Variants in TDRKH observed in about 807,000 individuals in gnomAD.
The protein encoded by TDRKH is tudor and KH domain containing.
TDRKH carries 28 observed loss-of-function variants against 61.3 expected under a neutral mutation model. That is an observed-to-expected ratio of 0.46 (90% CI 0.34 to 0.63). The LOEUF (loss-of-function observed/expected upper bound fraction) is 0.63. TDRKH is among the 20% of genes least tolerant of loss of function. The probability of loss-of-function intolerance (pLI) is 0.01; values close to 1 mark genes in which losing one functional copy is unlikely to be tolerated. For missense variants in TDRKH, 540 were observed against 683.4 expected (o/e 0.79, Z 2.34); for synonymous variants, 219 against 244.4 (o/e 0.90, Z 0.97).
At chr1:151,784,803 T>A (rs1345724425) in intron 1 of TDRKH, among the ~76,000 whole-genome samples, 6 of 152,122 alleles carry the variant, frequency 3.9e-5, no homozygotes, top group African/African-American at 1.4e-4. Flanking sequence ...AATTAATAGA[T>A]CCATTTAGGA....
rs1050182455 is a variant in TDRKH at position 151,774,424 on chromosome 1, G to A, written c.*28C>T. 6.2e-7 allele frequency: 1 copy of A among 1,613,188 alleles called. No homozygotes were observed. Among genetic ancestry groups the A allele is most frequent in the African/African-American group, 1.3e-5 (1 of 75,030 alleles). ...ATAGCTGCACTCACACAGCAAAGCA[G>A]ATGGCTGAGCAAACTGAAGCCCAGA... On this transcript the variant is annotated 3_prime_UTR_variant, in exon 13 of 13. Coordinates refer to ENST00000368824, the MANE Select transcript of TDRKH (RefSeq NM_001083965.2).
At chr1:151,781,739 G>A (rs1318075851) in intron 2 of TDRKH, 152 bp from the exon 3 acceptor site, 4 of 653,674 alleles carry the variant, frequency 6.1e-6, no homozygotes, top group African/African-American at 1.8e-5. Flanking sequence ...AGTGGCATCT[G>A]AATGGGAATT....
chr1:151,778,901 C>T lies in TDRKH; in HGVS notation c.667G>A (p.Glu223Lys). The change falls in exon 6 of 13, where the codon GAA becomes AAA. Residue 223 changes from glutamate (E) to lysine (K), a missense_variant. By Grantham distance (56) the Glu-to-Lys change is moderately conservative. Around this residue, in one of 3 missense-constraint regions of TDRKH, gnomAD observed 379 missense variants for 443.8 expected, o/e 0.85. Coordinates refer to ENST00000368824, the MANE Select transcript of TDRKH (RefSeq NM_001083965.2). ...GCTCCACCTGGCTCTGTCATGTCTT[C>T]TCTTCTCACACTGATTGGCTGTTTG... ...PRKQPISVRR[E>K]DMTEPGGAGE... 6.2e-7 allele frequency: 1 copy of T among 1,614,200 alleles called. No individual in the cohort carries two copies. The highest frequency in any genetic ancestry group is 2.2e-5 in the East Asian group (1 of 44,876).
At chr1:151,777,694 G>C (rs1046894906) in intron 6 of TDRKH, among the ~76,000 whole-genome samples, 4 of 149,344 alleles carry the variant, frequency 2.7e-5, no homozygotes, top group Non-Finnish European at 4.5e-5. Context: ...ATCTAAGCCA[G>C]TATTTCTTTT....
downstream of TDRKH, chr1:151,771,295 C>T (rs1379170082): frequency 1.9e-6 from 3 of 1,564,102 alleles, no homozygotes; most frequent in East Asian, 2.3e-5. Context: ...TGATTCAGGA[C>T]ACTTTCCATC....
intron 2 of TDRKH, 131 bp from the exon 3 acceptor site, chr1:151,781,718 CA>C: frequency 1.3e-6 from 1 of 744,284 alleles, no homozygotes; most frequent in East Asian, 2.6e-5. Context: ...TCAACCATAA[CA>C]ACAAGGAAAA....
Position 151,779,931 on chromosome 1 carries a change from A to G in TDRKH, c.421+20T>C. 4 of 1,596,012 alleles carry G rather than the reference A, an allele frequency of 2.5e-6. No homozygotes were observed. Among genetic ancestry groups the G allele is most frequent in the Non-Finnish European group, 3.4e-6 (4 of 1,166,358 alleles). On this transcript the variant is annotated intron_variant, in intron 4 of 12. Transcript: ENST00000368824. ...AGGTAAAGAATAAAGGAAACAATAG[A>G]GGAAGCCATCCAGTGGTACCTATGA...
At chr1:151,770,338 CCT>C (rs570883315), downstream of TDRKH, 157 of 1,514,900 alleles carry the variant, frequency 1.0e-4, 2 homozygotes, top group East Asian at 2.2e-3. Context: ...ACCCTCTTCC[CCT>C]GTCTTTAAAA....
rs751217339 is a variant in TDRKH, at chr1:151,776,253, C to G, written c.1060G>C (p.Val354Leu). The G allele has an allele frequency of 1.2e-6, 2 of 1,613,770 alleles. No homozygotes were observed. The highest frequency in any genetic ancestry group is 3.3e-4 in the Middle Eastern group (2 of 6,084). ...YENSVPEDLT[V>L]HVGDIVAAPL... ...GCTGCTACAATGTCTCCTACATGCA[C>G]AGTCAAGTCTTCAGGCTGTATGTGG... The change falls in exon 8 of 13, where the codon GTG becomes CTG. Residue 354 changes from valine to leucine, a missense_variant. Physicochemically the swap from Val to Leu is conservative, Grantham distance 32 (BLOSUM62 1). Coordinates refer to ENST00000368824, the MANE Select transcript of TDRKH (RefSeq NM_001083965.2).
In TDRKH at chr1:151,775,416, G is replaced by A. The variant is rs1234493270; in HGVS notation, c.1410C>T (p.Tyr470=). Residue 470 remains tyrosine (Y), a synonymous_variant, in exon 10 of 13, where the codon TAC becomes TAT. Transcript: ENST00000368824. ...CCTTCCCATTGCTAGTATCATATAA[G>A]TAGATCTTTGGCCAAGTTGAGATCC... ...QTGISTWPKI[Y]LYDTSNGKKL... 12 of 1,613,636 alleles carry A rather than the reference G, an allele frequency of 7.4e-6. No homozygotes were observed. Among genetic ancestry groups the A allele is most frequent in the East Asian group, 4.5e-5 (2 of 44,898 alleles).
chr1:151,770,265 T>C, downstream of TDRKH: 1 of 1,612,194 alleles, frequency 6.2e-7, no homozygotes, highest in Non-Finnish European at 8.5e-7. Flanking sequence ...GAGGTGGGGA[T>C]CTGCTGTTCT....
At chr1:151,772,565 T>TA (rs1250028014), downstream of TDRKH, among the ~76,000 whole-genome samples, 1 of 152,076 alleles carries the variant, frequency 6.6e-6, no homozygotes, top group African/African-American at 2.4e-5. Context: ...GCTTTATCCT[T>TA]AAAAAAAATT....
chr1:151,782,451 A>G (rs555655256), intron 2 of TDRKH, among the ~76,000 whole-genome samples: 7 of 70,332 alleles, frequency 1.0e-4, no homozygotes, highest in South Asian at 7.7e-4. Flanking sequence ...TGTCTCAAAG[A>G]AAAAAAAAAG....
At chr1:151,768,065 A>G (rs1482725258), downstream of TDRKH, 1 of 1,613,856 alleles carries the variant, frequency 6.2e-7, no homozygotes, top group Non-Finnish European at 8.5e-7. Flanking sequence ...CAGGCTGGGA[A>G]CTTGACGGTG....
intron 1 of TDRKH, among the ~76,000 whole-genome samples, chr1:151,788,591 C>T (rs1162884888): frequency 6.6e-6 from 1 of 152,138 alleles, no homozygotes; most frequent in African/African-American, 2.4e-5. Context: ...TTATTTGATT[C>T]CATTAATAAC....
At chr1:151,767,268 G>T, downstream of TDRKH, 1 of 1,613,984 alleles carries the variant, frequency 6.2e-7, no homozygotes, top group Non-Finnish European at 8.5e-7. Flanking sequence ...ACCGAGCAGG[G>T]TAACCACGAC....
Position 151,776,095 on chromosome 1 carries a change from C to A in TDRKH, c.1217+1G>T. On this transcript the variant is annotated splice_donor_variant, in intron 8 of 12. Coordinates refer to ENST00000368824, the MANE Select transcript of TDRKH (RefSeq NM_001083965.2). LOFTEE classifies it high-confidence loss of function. ...GGGATTGAGCTGACCTCAGCACTGA[C>A]CTGAGAGCCCTGAGGTCCTTCAGTG... The A allele has an allele frequency of 6.2e-7, 1 of 1,611,694 alleles. No individual in the cohort carries two copies. Among genetic ancestry groups the A allele is most frequent in the Non-Finnish European group, 8.5e-7 (1 of 1,178,724 alleles).
At chr1:151,790,077 G>A (rs1319914410) in intron 1 of TDRKH, among the ~76,000 whole-genome samples, 1 of 152,206 alleles carries the variant, frequency 6.6e-6, no homozygotes, top group Non-Finnish European at 1.5e-5. Flanking sequence ...GCAGCTCTCA[G>A]TCTCAAAAAG....
chr1:151,779,149 C>G lies in TDRKH; in HGVS notation c.515G>C (p.Arg172Thr). The change falls in exon 5 of 13, where the codon AGA (arginine) becomes ACA (threonine). Residue 172 changes from arginine (R) to threonine (T), a missense_variant. Around this residue, in one of 3 missense-constraint regions of TDRKH, gnomAD observed 156 missense variants for 218.0 expected, o/e 0.72. Transcript: ENST00000368824. ...CTGTGTTCCTGAGATTTTTATAAGTCTTGATAGTAGTAATGTCCCTTCTGA... is the reference window on the plus strand; with the variant it reads ...CTGTGTTCCTGAGATTTTTATAAGTGTTGATAGTAGTAATGTCCCTTCTGA... The part of the protein sequence containing the change: ...KESEGTLLLS[R>T]LIKISGTQKE... The G allele has an allele frequency of 6.2e-7, 1 of 1,614,176 alleles. No individual in the cohort carries two copies. Among genetic ancestry groups the G allele is most frequent in the Non-Finnish European group, 8.5e-7 (1 of 1,180,038 alleles).
Sources: gnomAD v4.1 joint callset for allele counts (sites outside exome capture counted in the v4.1 genomes callset) on GRCh38, gnomAD v4.1.1 for gene constraint, gnomAD v4.1.1 regional missense constraint, MANE v1.5 for transcripts, NCBI Gene and HGNC (gene_info 2026-07-23, HGNC 2026-07-21) for gene names.